PPM1H: variants seen among roughly 807,000 people sequenced by gnomAD.
PPM1H encodes protein phosphatase 1H.
PPM1H carries 27 observed loss-of-function variants against 54.9 expected under a neutral mutation model. That is an observed-to-expected ratio of 0.49 (90% confidence interval 0.36 to 0.68). PPM1H has a LOEUF of 0.68. PPM1H is among the 30% of genes least tolerant of loss of function. The pLI is 0.00. For missense variants in PPM1H, 596 were observed against 667.8 expected, an observed-to-expected ratio of 0.89 and a Z score of 1.19; for synonymous variants, 305 against 270.8, an observed-to-expected ratio of 1.13 and a Z score of -1.24.
rs34772338 is a variant in PPM1H at position 62,867,564 on chromosome 12, A to ATTTTTTTTTTTTTTTTTTTTTTTTT, written c.246-35310_246-35286dup. Among the ~76,000 whole-genome samples the ATTTTTTTTTTTTTTTTTTTTTTTTT allele has an allele frequency of 2.0e-4, 11 of 55,374 alleles. 1 individual carries two copies. Among genetic ancestry groups the ATTTTTTTTTTTTTTTTTTTTTTTTT allele is most frequent in the African/African-American group, 2.6e-4 (4 of 15,612 alleles). 36.3% of individuals were successfully genotyped at this position (55,374 alleles called of 152,430 possible). ...TCCTGAAATACATCTTATGAGCACT[A>ATTTTTTTTTTTTTTTTTTTTTTTTT]TTTTTTTTTTTTTTTTTTTTTTTTT... On this transcript the variant is annotated intron_variant, in intron 1 of 9. Coordinates refer to ENST00000228705, the MANE Select transcript of PPM1H (RefSeq NM_020700.2).
chr12:62,779,971 T>G (rs2076631926), intron 4 of PPM1H, among the ~76,000 whole-genome samples: 1 of 152,224 alleles, frequency 6.6e-6, no homozygotes, highest in African/African-American at 2.4e-5. Context: ...TCTATACACA[T>G]GTTGAATTAT....
intron 9 of PPM1H, among the ~76,000 whole-genome samples, chr12:62,653,644 C>T (rs1323506906): frequency 6.6e-6 from 1 of 152,166 alleles, no homozygotes; most frequent in African/African-American, 2.4e-5. Flanking sequence ...AGAATAAGTG[C>T]TTCTTCAGAA....
intron 7 of PPM1H, among the ~76,000 whole-genome samples, chr12:62,690,153 C>G (rs2076075087): frequency 6.6e-6 from 1 of 152,070 alleles, no homozygotes; most frequent in Non-Finnish European, 1.5e-5. Context: ...CAGTTCATAT[C>G]AAACCCAATA....
chr12:62,695,487 G>A (rs115770515), intron 6 of PPM1H, among the ~76,000 whole-genome samples: 2 of 152,126 alleles, frequency 1.3e-5, no homozygotes, highest in African/African-American at 4.8e-5. Context: ...TGAGCTGAGA[G>A]GTATTCTAGG....
At chr12:62,665,493 C>T (rs2136610413) in intron 9 of PPM1H, among the ~76,000 whole-genome samples, 1 of 152,312 alleles carries the variant, frequency 6.6e-6, no homozygotes. Context: ...GCACCTTAGG[C>T]CATCTTTTTA....
At chr12:62,819,787 A>G (rs151080912) in intron 2 of PPM1H, among the ~76,000 whole-genome samples, 1 of 152,320 alleles carries the variant, frequency 6.6e-6, no homozygotes, top group East Asian at 1.9e-4. Flanking sequence ...GCCACTGTCA[A>G]GAGCTCAAAC....
At chr12:62,736,348 G>A (rs541582219) in intron 5 of PPM1H, among the ~76,000 whole-genome samples, 3 of 152,144 alleles carry the variant, frequency 2.0e-5, no homozygotes, top group Admixed American at 1.3e-4. Flanking sequence ...CCTTTCCACC[G>A]GCCTAGACTA....
At chr12:62,857,233 C>T (rs74603717) in intron 1 of PPM1H, among the ~76,000 whole-genome samples, 30 of 128,510 alleles carry the variant, frequency 2.3e-4, no homozygotes, top group Non-Finnish European at 1.3e-4. Context: ...AACAAACAAA[C>T]AAATAAAGGA....
chr12:62,723,352 G>C (rs1289725633), intron 5 of PPM1H, among the ~76,000 whole-genome samples: 1 of 151,580 alleles, frequency 6.6e-6, no homozygotes, highest in East Asian at 1.9e-4. Context: ...AATGAAGGCT[G>C]CCCTGATTAA....
At chr12:62,705,501 C>A (rs2076168191) in intron 6 of PPM1H, among the ~76,000 whole-genome samples, 1 of 152,030 alleles carries the variant, frequency 6.6e-6, no homozygotes, top group African/African-American at 2.4e-5. Context: ...GAAAAGGATG[C>A]ACTTGGAAAA....
chr12:62,859,458 A>G (rs1370999263), intron 1 of PPM1H, among the ~76,000 whole-genome samples: 1 of 152,204 alleles, frequency 6.6e-6, no homozygotes, highest in Non-Finnish European at 1.5e-5. Flanking sequence ...ATCTTTAATA[A>G]TAGCACTGGC....
chr12:62,879,829 C>A (rs937659762), intron 1 of PPM1H, among the ~76,000 whole-genome samples: 2 of 151,884 alleles, frequency 1.3e-5, no homozygotes, highest in African/African-American at 2.4e-5. Flanking sequence ...GTATTGCTGG[C>A]CAGGCGCCTC....
chr12:62,807,323 A>G (rs1396195023), intron 2 of PPM1H, among the ~76,000 whole-genome samples: 1 of 152,272 alleles, frequency 6.6e-6, no homozygotes, highest in Non-Finnish European at 1.5e-5. Flanking sequence ...TAGAAAAGAA[A>G]TAAGGGTGAA....
intron 1 of PPM1H, among the ~76,000 whole-genome samples, chr12:62,877,603 G>A (rs1182118762): frequency 6.6e-6 from 1 of 152,146 alleles, no homozygotes; most frequent in Non-Finnish European, 1.5e-5. Context: ...TCATTTTTGA[G>A]ATGAAGCAAA....
intron 2 of PPM1H, among the ~76,000 whole-genome samples, chr12:62,804,321 T>G (rs2076790979): frequency 6.8e-6 from 1 of 146,518 alleles, no homozygotes; most frequent in African/African-American, 2.7e-5. Context: ...GCCACTGTAT[T>G]CCAGCTGGGG....
At chr12:62,664,127 T>C (rs1213493042) in intron 9 of PPM1H, among the ~76,000 whole-genome samples, 1 of 152,262 alleles carries the variant, frequency 6.6e-6, no homozygotes, top group African/African-American at 2.4e-5. Context: ...CTTTCTTTTC[T>C]TCTCTGTTTC....
At chr12:62,889,755 C>T (rs1870719112) in intron 1 of PPM1H, among the ~76,000 whole-genome samples, 1 of 152,172 alleles carries the variant, frequency 6.6e-6, no homozygotes, top group Non-Finnish European at 1.5e-5. Context: ...ACAGATTTTA[C>T]ACATTTCACA....
chr12:62,791,729 T>G (rs1592601014), intron 3 of PPM1H, among the ~76,000 whole-genome samples: 1 of 152,328 alleles, frequency 6.6e-6, no homozygotes, highest in Non-Finnish European at 1.5e-5. Context: ...GAGACCAGCC[T>G]GATCAACATG....
chr12:62,850,857 A>G (rs985708540), intron 1 of PPM1H: 8 of 152,084 alleles, frequency 5.3e-5, no homozygotes, highest in Admixed American at 1.3e-4. Flanking sequence ...TCGCCCTGGG[A>G]AAACCACCTT....
Sources: allele counts gnomAD v4.1 joint callset (sites outside exome capture counted in the v4.1 genomes callset), GRCh38; gene constraint gnomAD v4.1.1; transcripts MANE v1.5; gene names NCBI Gene and HGNC (gene_info 2026-07-23, HGNC 2026-07-21).